CACNA1D: variants seen among roughly 807,000 people sequenced by gnomAD.
CACNA1D encodes voltage-dependent L-type calcium channel subunit alpha-1D.
In CACNA1D, 55 loss-of-function variants were observed where a neutral mutation model predicts 257.1. That is an observed-to-expected ratio of 0.21 (90% CI 0.17 to 0.27). The LOEUF (loss-of-function observed/expected upper bound fraction) is 0.27. CACNA1D is among the 10% of genes least tolerant of loss of function. The pLI is 1.00. For synonymous variants in CACNA1D, 980 were observed against 1,014.9 expected (o/e 0.97, Z 0.65); for missense variants, 1,876 against 2,784.0 (o/e 0.67, Z 7.34).
intron 3 of CACNA1D, among the ~76,000 whole-genome samples, chr3:53,535,944 C>T (rs751447783): frequency 7.2e-5 from 11 of 152,108 alleles, no homozygotes; most frequent in Non-Finnish European, 1.6e-4. Flanking sequence ...GAAGATCAAA[C>T]GAGCTGTGGA....
At position 53,501,690 on chromosome 3, in the gene CACNA1D, A is replaced by G. The variant is rs766191935; in HGVS notation, c.453A>G (p.Glu151=). 1.3e-6 allele frequency: 2 copies of G among 1,596,182 alleles called. No homozygotes were observed. The highest frequency in any genetic ancestry group is 2.2e-5 in the South Asian group (2 of 90,736). ...TAGCTATTTACATCCCATTCCCTGA[A>G]GATGATTCTAATTCAACAAATCATA... ...VALAIYIPFP[E]DDSNSTNHNL... The change falls in exon 3 of 48, where the codon GAA becomes GAG. Residue 151 remains glutamate (E), a synonymous_variant. Transcript: ENST00000350061.
chr3:53,680,884 A>G (rs926559116), intron 8 of CACNA1D, among the ~76,000 whole-genome samples: 10 of 152,174 alleles, frequency 6.6e-5, no homozygotes, highest in Admixed American at 5.9e-4. Flanking sequence ...GAGATCAAAT[A>G]TTGGTATTGC....
chr3:53,780,106 G>A lies in CACNA1D; in HGVS notation c.4668G>A (p.Thr1556=), dbSNP rs954096785. 27 of 1,613,692 alleles carry A rather than the reference G, an allele frequency of 1.7e-5. No homozygotes were observed. Among genetic ancestry groups the A allele is most frequent in the African/African-American group, 8.0e-5 (6 of 75,022 alleles). Residue 1556 remains threonine, a synonymous_variant, in exon 38 of 48, where the codon ACG becomes ACA. Transcript: ENST00000350061. ...CAACCCTGTTTGCTTTGGTTCGAACGGCTCTTAAGATCAAGACCGAAGGTG... is the reference window on the plus strand; with the variant it reads ...CAACCCTGTTTGCTTTGGTTCGAACAGCTCTTAAGATCAAGACCGAAGGTG... ...FNATLFALVR[T]ALKIKTEGNL...
chr3:53,496,038 TGACTC>T (rs1239615337), intron 1 of CACNA1D, among the ~76,000 whole-genome samples: 7 of 152,340 alleles, frequency 4.6e-5, no homozygotes, highest in South Asian at 2.1e-4. Context: ...AAGCTTGACA[TGACTC>T]GACTCGTCCC....
At chr3:53,638,521 TTC>T (rs1248102741) in intron 3 of CACNA1D, among the ~76,000 whole-genome samples, 2 of 152,214 alleles carry the variant, frequency 1.3e-5, no homozygotes, top group East Asian at 3.8e-4. Flanking sequence ...ATAGCCAATG[TTC>T]CATGAGAACT....
intron 3 of CACNA1D, among the ~76,000 whole-genome samples, chr3:53,526,370 C>G (rs927999817): frequency 6.6e-6 from 1 of 152,168 alleles, no homozygotes; most frequent in African/African-American, 2.4e-5. Flanking sequence ...GGGCTGTATT[C>G]CCACCTGACA....
rs57956658 is a variant in CACNA1D at position 53,672,758 on chromosome 3, CTGTGTG to C, written c.1117-209_1117-204del. Among the ~76,000 whole-genome samples the C allele has an allele frequency of 0.083, 7,846 of 94,888 alleles. 290 individuals are homozygous for C. Among genetic ancestry groups the C allele is most frequent in the Middle Eastern group, 0.097 (17 of 176 alleles). The allele number at this position is 94,888 out of a possible 152,430, so 62.3% of individuals were successfully genotyped here. ...ATTCGGCCTGAAAGCCTTGATGACT[CTGTGTG>C]TGTGTGTGTGTGTGTGTGTGTGTGT... On this transcript the variant is annotated intron_variant, in intron 7 of 47. Transcript: ENST00000350061.
At chr3:53,691,742 CATATATAATAT>C (rs2094523281) in intron 8 of CACNA1D, among the ~76,000 whole-genome samples, 1 of 34,346 alleles carries the variant, frequency 2.9e-5, no homozygotes, top group African/African-American at 1.4e-4. Context: ...ATATATATTA[CATATATAATAT>C]ATATTACATA....
At chr3:53,778,116 A>G (rs1188393222) in intron 37 of CACNA1D, among the ~76,000 whole-genome samples, 1 of 152,210 alleles carries the variant, frequency 6.6e-6, no homozygotes, top group African/African-American at 2.4e-5. Context: ...CCTGCCCTGA[A>G]AATCCAGAAA....
Position 53,726,960 on chromosome 3 carries a change from G to C in CACNA1D, c.2182G>C (p.Val728Leu), listed in dbSNP as rs184573217. The change falls in exon 15 of 48, where the codon GTC becomes CTC. Residue 728 changes from valine (V) to leucine (L), a missense_variant. Around this residue, in one of 10 missense-constraint regions of CACNA1D, gnomAD observed 257 missense variants for 399.7 expected, o/e 0.64. Coordinates refer to ENST00000350061, the MANE Select transcript of CACNA1D (RefSeq NM_001128840.3). ...GGGCCCATCCTCTTCAGGAATGATC[G>C]TCTGCATCTACTTCATCATCCTCTT... Reference protein sequence around the residue: ...YGGPSSSGMIVCIYFIILFIC... With the variant: ...YGGPSSSGMILCIYFIILFIC... 6.2e-7 allele frequency: 1 copy of C among 1,614,086 alleles called. No homozygotes were observed. The highest frequency in any genetic ancestry group is 1.3e-5 in the African/African-American group (1 of 75,032).
At position 53,673,039 on chromosome 3, in the gene CACNA1D, G is replaced by T; in HGVS notation, c.1133G>T (p.Gly378Val). The part of the protein sequence containing the change: ...DVLYWMNDAM[G>V]FELPWVYFVS... The stretch of plus-strand genomic sequence containing the variant: ...TTCTTGCAGATGAATGATGCTATGG[G>T]ATTTGAATTGCCCTGGGTGTATTTT... Residue 378 changes from glycine (G) to valine (V), a missense_variant, in exon 8 of 48, where the codon GGA becomes GTA. Physicochemically the swap from Gly to Val is moderately radical, Grantham distance 109. Transcript: ENST00000350061. The surrounding 1 kb of genome is among the most constrained non-coding windows in gnomAD (Gnocchi z 4.1). 6.4e-7 allele frequency: 1 copy of T among 1,551,528 alleles called. No individual in the cohort carries two copies. Among genetic ancestry groups the T allele is most frequent in the South Asian group, 1.2e-5 (1 of 84,062 alleles).
intron 7 of CACNA1D, among the ~76,000 whole-genome samples, chr3:53,670,173 C>T (rs924355317): frequency 7.2e-5 from 11 of 152,120 alleles, no homozygotes; most frequent in African/African-American, 2.4e-4. Context: ...TCATTCAGGG[C>T]ACCTAGGAAA....
At chr3:53,556,748 G>T (rs2092652195) in intron 3 of CACNA1D, among the ~76,000 whole-genome samples, 1 of 148,268 alleles carries the variant, frequency 6.7e-6, no homozygotes, top group Non-Finnish European at 1.5e-5. Flanking sequence ...ACAGAGTCTT[G>T]CTCTGTTGCC....
chr3:53,648,947 A>C (rs1349359475), intron 3 of CACNA1D, among the ~76,000 whole-genome samples: 1 of 152,158 alleles, frequency 6.6e-6, no homozygotes, highest in Non-Finnish European at 1.5e-5. Flanking sequence ...CAGGAACCAC[A>C]ACAGCCCTGT....
chr3:53,546,316 T>A (rs1181796338), intron 3 of CACNA1D, among the ~76,000 whole-genome samples: 1 of 152,258 alleles, frequency 6.6e-6, no homozygotes, highest in Middle Eastern at 3.4e-3. Context: ...TGTGACCGAT[T>A]CCAGGAACCC....
At chr3:53,700,147 C>T (rs990603076) in intron 8 of CACNA1D, among the ~76,000 whole-genome samples, 23 of 149,472 alleles carry the variant, frequency 1.5e-4, no homozygotes, top group African/African-American at 5.4e-4. Flanking sequence ...TGTAATTATG[C>T]ATTATAAAAT....
intron 3 of CACNA1D, among the ~76,000 whole-genome samples, chr3:53,594,337 G>T (rs914299935): frequency 6.6e-6 from 1 of 152,202 alleles, no homozygotes; most frequent in South Asian, 2.1e-4. Context: ...ACTGAGACTA[G>T]AGTCAGGATA....
intron 3 of CACNA1D, among the ~76,000 whole-genome samples, chr3:53,521,777 T>C (rs1267744946): frequency 6.6e-6 from 1 of 151,996 alleles, no homozygotes; most frequent in Non-Finnish European, 1.5e-5. Context: ...TGGCCACATG[T>C]CATTATAAGA....
rs199915624 is a variant in CACNA1D at position 53,726,964 on chromosome 3, G to C, written c.2186G>C (p.Cys729Ser). The stretch of plus-strand genomic sequence containing the variant: ...CCATCCTCTTCAGGAATGATCGTCT[G>C]CATCTACTTCATCATCCTCTTCATT... ...GGPSSSGMIV[C>S]IYFIILFICG... The change falls in exon 15 of 48, where the codon TGC becomes TCC. Residue 729 changes from cysteine (C) to serine (S), a missense_variant. Around this residue, in one of 10 missense-constraint regions of CACNA1D, gnomAD observed 257 missense variants for 399.7 expected, o/e 0.64. Transcript: ENST00000350061. 3 of 1,614,170 alleles carry C rather than the reference G, an allele frequency of 1.9e-6. No homozygotes were observed. Among genetic ancestry groups the C allele is most frequent in the Non-Finnish European group, 1.7e-6 (2 of 1,179,994 alleles).
Sources: gnomAD v4.1 joint callset for allele counts (sites outside exome capture counted in the v4.1 genomes callset) on GRCh38, gnomAD v4.1.1 for gene constraint, gnomAD v4.1.1 regional missense constraint, Gnocchi (gnomAD v3.1) non-coding constraint, MANE v1.5 for transcripts, NCBI Gene and HGNC (gene_info 2026-07-23, HGNC 2026-07-21) for gene names.